AGBL4: variants seen among roughly 807,000 people sequenced by gnomAD.
AGBL4 encodes AGBL carboxypeptidase 4, also known as cytosolic carboxypeptidase 6.
A neutral mutation model predicts 66.4 loss-of-function variants in AGBL4; 58 were observed. That is an observed-to-expected ratio of 0.87 (90% CI 0.71 to 1.09). The LOEUF (loss-of-function observed/expected upper bound fraction) is 1.09, where lower values mean the gene tolerates loss of function less well. Ranked by LOEUF, AGBL4 falls within the 50% of genes least tolerant of loss-of-function variation. The probability of loss-of-function intolerance (pLI) is 0.00; values close to 1 mark genes in which losing one functional copy is unlikely to be tolerated. For synonymous variants in AGBL4, 234 were observed against 222.9 expected (o/e 1.05, Z -0.44); for missense variants, 579 against 631.0 (o/e 0.92, Z 0.88).
chr1:48,712,237 T>G (rs1365003973), intron 6 of AGBL4, among the ~76,000 whole-genome samples: 1 of 152,174 alleles, frequency 6.6e-6, no homozygotes, highest in Non-Finnish European at 1.5e-5. Context: ...AAACCTGTGT[T>G]GAGAAGTACT....
chr1:49,240,688 G>A (rs1651160491), intron 4 of AGBL4, among the ~76,000 whole-genome samples: 1 of 150,916 alleles, frequency 6.6e-6, no homozygotes, highest in South Asian at 2.1e-4. Flanking sequence ...TGGCCTCCCT[G>A]AGAAATCACA....
chr1:49,786,359 T>G (rs1644454946), intron 2 of AGBL4, among the ~76,000 whole-genome samples: 1 of 152,138 alleles, frequency 6.6e-6, no homozygotes, highest in Admixed American at 6.6e-5. Flanking sequence ...GTAAGAAATA[T>G]TTATTATCCC....
intron 4 of AGBL4, among the ~76,000 whole-genome samples, chr1:49,142,835 T>C (rs191704329): frequency 2.9e-3 from 441 of 152,330 alleles, no homozygotes; most frequent in African/African-American, 1.0e-2. Context: ...TTCTATTCCT[T>C]TCTTCATTTT....
intron 7 of AGBL4, among the ~76,000 whole-genome samples, chr1:48,660,156 C>G (rs556694354): frequency 1.3e-4 from 20 of 152,314 alleles, no homozygotes; most frequent in African/African-American, 4.8e-4. Flanking sequence ...AGGTCATGGG[C>G]AGGGTTTGGA....
intron 3 of AGBL4, among the ~76,000 whole-genome samples, chr1:49,656,879 G>A (rs1424098781): frequency 6.6e-6 from 1 of 152,140 alleles, no homozygotes; most frequent in Non-Finnish European, 1.5e-5. Context: ...AGCTACTTAT[G>A]ACAAACCCAC....
At chr1:49,326,917 T>A (rs1645239062) in intron 3 of AGBL4, among the ~76,000 whole-genome samples, 1 of 152,184 alleles carries the variant, frequency 6.6e-6, no homozygotes, top group African/African-American at 2.4e-5. Flanking sequence ...ATTATTACAT[T>A]GCTTCTGGGG....
chr1:49,485,636 T>G (rs1282433119), intron 3 of AGBL4, among the ~76,000 whole-genome samples: 1 of 142,928 alleles, frequency 7.0e-6, no homozygotes, highest in South Asian at 2.2e-4. Flanking sequence ...CAGGTGAAAT[T>G]AAAAAAAAAA....
chr1:49,867,406 T>C (rs1165743011), intron 1 of AGBL4, among the ~76,000 whole-genome samples: 3 of 151,538 alleles, frequency 2.0e-5, no homozygotes, highest in African/African-American at 4.8e-5. Flanking sequence ...TTGTTACATA[T>C]GTATACATGT....
chr1:49,288,498 C>G (rs933481824), intron 3 of AGBL4, among the ~76,000 whole-genome samples: 2 of 151,994 alleles, frequency 1.3e-5, no homozygotes, highest in East Asian at 1.9e-4. Flanking sequence ...AAGGCCATTG[C>G]GAATTTTAAA....
chr1:49,381,494 G>T (rs1356877162), intron 3 of AGBL4, among the ~76,000 whole-genome samples: 1 of 152,090 alleles, frequency 6.6e-6, no homozygotes, highest in East Asian at 1.9e-4. Context: ...TCCCATTACT[G>T]GGTATATACC....
chr1:49,259,297 C>T (rs1489753548), intron 3 of AGBL4, among the ~76,000 whole-genome samples: 1 of 151,892 alleles, frequency 6.6e-6, no homozygotes, highest in Non-Finnish European at 1.5e-5. Flanking sequence ...ATCAAATTCA[C>T]ACATAACAAT....
At chr1:49,754,811 T>G (rs904071623) in intron 2 of AGBL4, among the ~76,000 whole-genome samples, 1 of 152,186 alleles carries the variant, frequency 6.6e-6, no homozygotes, top group Non-Finnish European at 1.5e-5. Flanking sequence ...AAGAAATCGG[T>G]TAAAACAATC....
At chr1:49,889,174 G>T (rs1013801504) in intron 1 of AGBL4, among the ~76,000 whole-genome samples, 9 of 152,100 alleles carry the variant, frequency 5.9e-5, no homozygotes, top group African/African-American at 2.2e-4. Context: ...AACAACTTTT[G>T]CTTTTAATGT....
intron 1 of AGBL4, among the ~76,000 whole-genome samples, chr1:49,944,073 A>G (rs1327374431): frequency 6.6e-6 from 1 of 152,012 alleles, no homozygotes; most frequent in Admixed American, 6.6e-5. Context: ...CTGAGCTCAG[A>G]CACAGTTAGC....
chr1:48,654,605 T>G (rs1233369865), intron 7 of AGBL4, among the ~76,000 whole-genome samples: 1 of 152,188 alleles, frequency 6.6e-6, no homozygotes, highest in Admixed American at 6.5e-5. Flanking sequence ...AAAGGAAGCC[T>G]TTGAGCTGAG....
At chr1:49,378,688 C>T (rs759972444) in intron 3 of AGBL4, among the ~76,000 whole-genome samples, 6 of 152,174 alleles carry the variant, frequency 3.9e-5, no homozygotes, top group South Asian at 2.1e-4. Context: ...CTGTCACCTG[C>T]GAAAGGAGAG....
chr1:48,886,792 C>A (rs1229282703), intron 5 of AGBL4, among the ~76,000 whole-genome samples: 4 of 152,100 alleles, frequency 2.6e-5, no homozygotes, highest in Non-Finnish European at 4.4e-5. Context: ...ACCTCGTGAT[C>A]CGCCCGCCTC....
intron 1 of AGBL4, among the ~76,000 whole-genome samples, chr1:49,937,418 A>T (rs1422845072): frequency 8.6e-5 from 13 of 151,966 alleles, no homozygotes; most frequent in African/African-American, 2.2e-4. Context: ...ACTGTCAACA[A>T]CAGACAGATC....
chr1:48,952,540 T>C (rs1243723240), intron 5 of AGBL4, among the ~76,000 whole-genome samples: 1 of 152,142 alleles, frequency 6.6e-6, no homozygotes, highest in Non-Finnish European at 1.5e-5. Flanking sequence ...AGCAAGAGAC[T>C]AAATGAATGG....
Sources: gnomAD v4.1 joint callset for allele counts (sites outside exome capture counted in the v4.1 genomes callset) on GRCh38, gnomAD v4.1.1 for gene constraint, MANE v1.5 for transcripts, NCBI Gene and HGNC (gene_info 2026-07-23, HGNC 2026-07-21) for gene names.